The following GOLM2 variants were observed in gnomAD, a reference collection of about 807,000 sequenced individuals.
The protein encoded by GOLM2 is protein GOLM2.
Under a neutral mutation model 55.9 loss-of-function variants are expected in GOLM2, and 26 were observed. The ratio of observed to expected loss-of-function variants is 0.47; its 90% CI spans 0.34 to 0.65. The LOEUF (loss-of-function observed/expected upper bound fraction) is 0.65. GOLM2 is among the 30% of genes least tolerant of loss of function. GOLM2 has a pLI of 0.01. For synonymous variants in GOLM2, 165 were observed against 194.6 expected (o/e 0.85, Z 1.27); for missense variants, 486 against 531.8 (o/e 0.91, Z 0.85).
chr15:44,379,559 G>A, intron 6 of GOLM2, 131 bp from the exon 7 acceptor site: 1 of 629,328 alleles, frequency 1.6e-6, no homozygotes, highest in Non-Finnish European at 2.8e-6. Context: ...CCAACTATAA[G>A]GATTACAAAA....
chr15:44,329,086 G>A (rs752980523), intron 3 of GOLM2, among the ~76,000 whole-genome samples: 16 of 152,180 alleles, frequency 1.1e-4, no homozygotes, highest in Non-Finnish European at 1.8e-4. Flanking sequence ...ATGTGGCAAA[G>A]ATGGAAAGAA....
chr15:44,352,708 C>T (rs1249220179), intron 6 of GOLM2, among the ~76,000 whole-genome samples: 1 of 152,004 alleles, frequency 6.6e-6, no homozygotes, highest in Non-Finnish European at 1.5e-5. Context: ...AAGTTCGAGA[C>T]CAGCCTGGCC....
At chr15:44,403,109 T>C (rs780744865) in intron 9 of GOLM2, 55 bp downstream of exon 9, 1 of 1,595,806 alleles carries the variant, frequency 6.3e-7, no homozygotes, top group Non-Finnish European at 8.6e-7. Context: ...TCTAAGTTTT[T>C]TGGTTGAATT....
At chr15:44,335,658 A>C (rs1161175951) in intron 4 of GOLM2, among the ~76,000 whole-genome samples, 2 of 152,192 alleles carry the variant, frequency 1.3e-5, no homozygotes, top group Non-Finnish European at 2.9e-5. Context: ...ATGTTCAAAA[A>C]TTTCAGTTTA....
chr15:44,375,628 T>C (rs1228102462), intron 6 of GOLM2, among the ~76,000 whole-genome samples: 1 of 151,970 alleles, frequency 6.6e-6, no homozygotes. Context: ...AAAAAATTTT[T>C]TAATTAGCCA....
chr15:44,361,223 A>C lies in GOLM2; in HGVS notation c.803-18467A>C, dbSNP rs369584991. ...AAAATCAGAGCAGAACTGAAGGAAA[A>C]AGAGACACAAAAAACCCTTCAAAAA... On this transcript the variant is annotated intron_variant, in intron 6 of 9. Transcript: ENST00000299957. 7.2e-5 allele frequency among the ~76,000 whole-genome samples: 11 copies of C among 152,174 alleles called. No homozygotes were observed. In the East Asian group the frequency reaches 1.5e-3, roughly 21 times the overall value.
intron 9 of GOLM2, among the ~76,000 whole-genome samples, chr15:44,412,751 C>T (rs2079646626): frequency 6.6e-6 from 1 of 151,864 alleles, no homozygotes; most frequent in Non-Finnish European, 1.5e-5. Flanking sequence ...GCCTGTAATC[C>T]CAGCACTTTA....
At chr15:44,379,429 G>A (rs996058362) in intron 6 of GOLM2, among the ~76,000 whole-genome samples, 16 of 151,984 alleles carry the variant, frequency 1.1e-4, no homozygotes, top group Non-Finnish European at 1.9e-4. Context: ...AGTGAGTTGA[G>A]ATCATGCCAT....
At chr15:44,339,913 G>A (rs2079080121) in intron 6 of GOLM2, among the ~76,000 whole-genome samples, 1 of 151,878 alleles carries the variant, frequency 6.6e-6, no homozygotes, top group South Asian at 2.1e-4. Context: ...TCGATCTCCC[G>A]GGCATAAGCG....
At chr15:44,291,470 C>A (rs1295859982) in intron 1 of GOLM2, among the ~76,000 whole-genome samples, 1 of 152,146 alleles carries the variant, frequency 6.6e-6, no homozygotes, top group African/African-American at 2.4e-5. Context: ...TTTTTCATAA[C>A]CATCCTAATC....
intron 1 of GOLM2, among the ~76,000 whole-genome samples, chr15:44,312,432 A>C (rs1038418227): frequency 3.3e-5 from 5 of 151,984 alleles, no homozygotes; most frequent in African/African-American, 9.7e-5. Context: ...GGACTGATAA[A>C]ACTTTAACTA....
At chr15:44,358,231 G>A (rs140890196) in intron 6 of GOLM2, among the ~76,000 whole-genome samples, 318 of 152,284 alleles carry the variant, frequency 2.1e-3, no homozygotes, top group African/African-American at 7.1e-3. Flanking sequence ...GCGCACATCC[G>A]TAATCCCAGC....
chr15:44,369,070 TATATATATATATATATATA>T (rs2079307850), intron 6 of GOLM2, among the ~76,000 whole-genome samples: 1 of 16,974 alleles, frequency 5.9e-5, no homozygotes, highest in African/African-American at 3.3e-4. Context: ...GGATATATTA[TATATATATATATATATATA>T]TATATATATA....
intron 1 of GOLM2, among the ~76,000 whole-genome samples, chr15:44,302,067 G>A (rs1205237598): frequency 2.6e-5 from 4 of 152,012 alleles, no homozygotes; most frequent in Non-Finnish European, 4.4e-5. Context: ...CTACAAGACT[G>A]GATTCAGATT....
At chr15:44,407,537 A>C (rs1490152537) in intron 9 of GOLM2, among the ~76,000 whole-genome samples, 1 of 151,786 alleles carries the variant, frequency 6.6e-6, no homozygotes, top group South Asian at 2.1e-4. Flanking sequence ...CGGTCTCCCA[A>C]AGTGTTCGGA....
chr15:44,357,015 T>C (rs1327137297), intron 6 of GOLM2, among the ~76,000 whole-genome samples: 2 of 151,602 alleles, frequency 1.3e-5, no homozygotes, highest in East Asian at 1.9e-4. Context: ...TATAAAAAAA[T>C]ACAAAAACTA....
chr15:44,399,495 G>A (rs1370395540), intron 8 of GOLM2, among the ~76,000 whole-genome samples: 2 of 152,044 alleles, frequency 1.3e-5, no homozygotes, highest in African/African-American at 4.8e-5. Context: ...TGTAATTATA[G>A]TATTAAAATT....
chr15:44,387,678 C>T (rs1487864170), intron 8 of GOLM2, among the ~76,000 whole-genome samples: 1 of 151,786 alleles, frequency 6.6e-6, no homozygotes, highest in East Asian at 1.9e-4. Flanking sequence ...ATGAAAATCG[C>T]TTGCACCAGG....
chr15:44,307,052 A>C (rs2078842157), intron 1 of GOLM2, among the ~76,000 whole-genome samples: 1 of 152,158 alleles, frequency 6.6e-6, no homozygotes, highest in African/African-American at 2.4e-5. Flanking sequence ...TGAAGTGAGC[A>C]CATGTTATTG....
Sources: allele counts gnomAD v4.1 joint callset (sites outside exome capture counted in the v4.1 genomes callset), GRCh38; gene constraint gnomAD v4.1.1; transcripts MANE v1.5; gene names NCBI Gene and HGNC (gene_info 2026-07-23, HGNC 2026-07-21).